Variants in GPM6A observed in about 807,000 individuals in gnomAD.
GPM6A encodes neuronal membrane glycoprotein M6-a.
Under a neutral mutation model 32.1 loss-of-function variants are expected in GPM6A, and 7 were observed. The ratio of observed to expected loss-of-function variants is 0.22; its 90% confidence interval spans 0.12 to 0.41. The LOEUF is 0.41. Among genes scored for constraint, GPM6A ranks in the 10% least tolerant of loss-of-function variants. The probability of loss-of-function intolerance (pLI) is 1.00; values close to 1 mark genes in which losing one functional copy is unlikely to be tolerated. For synonymous variants in GPM6A, 130 were observed against 123.4 expected, an observed-to-expected ratio of 1.05 and a Z score of -0.35; for missense variants, 235 against 347.2, an observed-to-expected ratio of 0.68 and a Z score of 2.57.
chr4:175,943,874 C>G (rs776988622), intron 1 of GPM6A, among the ~76,000 whole-genome samples: 1 of 152,002 alleles, frequency 6.6e-6, no homozygotes, highest in African/African-American at 2.4e-5. Flanking sequence ...GGTTTTGGTA[C>G]GAGGATGATG....
At chr4:175,690,034 C>A (rs897004302) in intron 2 of GPM6A, among the ~76,000 whole-genome samples, 1 of 152,128 alleles carries the variant, frequency 6.6e-6, no homozygotes, top group Non-Finnish European at 1.5e-5. Flanking sequence ...ATGGCTGTTA[C>A]GGGCTTTGTG....
chr4:175,825,526 C>CT (rs1735406466), intron 1 of GPM6A, among the ~76,000 whole-genome samples: 2 of 152,070 alleles, frequency 1.3e-5, no homozygotes, highest in South Asian at 4.1e-4. Context: ...CATTAAGGAG[C>CT]TAATGTCAGG....
chr4:175,915,760 A>T (rs77908991), intron 1 of GPM6A, among the ~76,000 whole-genome samples: 1 of 152,218 alleles, frequency 6.6e-6, no homozygotes, highest in African/African-American at 2.4e-5. Context: ...GGGGAAAAAA[A>T]GGGTATGAGA....
chr4:175,938,226 G>C (rs1382481966), intron 1 of GPM6A, among the ~76,000 whole-genome samples: 3 of 152,114 alleles, frequency 2.0e-5, no homozygotes, highest in Non-Finnish European at 4.4e-5. Flanking sequence ...AACTAAAAGA[G>C]AGGATTTGAA....
upstream of GPM6A, among the ~76,000 whole-genome samples, chr4:175,814,417 C>T (rs1322515555): frequency 1.3e-5 from 2 of 152,178 alleles, no homozygotes; most frequent in East Asian, 1.9e-4. Context: ...AGCTAATTTT[C>T]CTTCCTACTC....
intron 2 of GPM6A, among the ~76,000 whole-genome samples, chr4:175,697,023 T>G (rs145774749): frequency 2.3e-4 from 35 of 152,272 alleles, no homozygotes; most frequent in Admixed American, 8.5e-4. Flanking sequence ...TGAACTCAGT[T>G]TTTGATGTGT....
chr4:175,796,185 G>A (rs1560937634), intron 1 of GPM6A, among the ~76,000 whole-genome samples: 2 of 152,028 alleles, frequency 1.3e-5, no homozygotes, highest in South Asian at 4.1e-4. Flanking sequence ...TTAGAAGAAT[G>A]GCTAGCAACT....
intron 1 of GPM6A, among the ~76,000 whole-genome samples, chr4:175,824,158 T>C (rs991784861): frequency 1.3e-5 from 2 of 152,182 alleles, no homozygotes; most frequent in Non-Finnish European, 1.5e-5. Context: ...CCCTGACATA[T>C]GGTCTCTTTG....
At position 175,707,640 on chromosome 4, in the gene GPM6A, T is replaced by C. The variant is rs573936242; in HGVS notation, c.38-5873A>G. ...TGTGAAAATTTTGGGCTTTATTTCT[T>C]TTTTTTTCAATATATGTGCCTTTTA... On this transcript the variant is annotated intron_variant, in intron 1 of 6. Transcript: ENST00000393658. Among the ~76,000 whole-genome samples the C allele has an allele frequency of 7.2e-5, 11 of 152,162 alleles. No individual in the cohort carries two copies. The East Asian group carries it at 2.1e-3, about 29-fold the overall frequency.
chr4:175,677,860 C>G (rs752971293), intron 2 of GPM6A, among the ~76,000 whole-genome samples: 1 of 152,066 alleles, frequency 6.6e-6, no homozygotes. Flanking sequence ...TCATGAAAAA[C>G]GTGGTCACAG....
intron 2 of GPM6A, among the ~76,000 whole-genome samples, chr4:175,682,914 G>T (rs910260441): frequency 6.6e-6 from 1 of 152,178 alleles, no homozygotes; most frequent in African/African-American, 2.4e-5. Context: ...AGCAGAAAAA[G>T]AGTTTGGAGC....
chr4:175,994,292 C>G (rs1741237423), intron 1 of GPM6A, among the ~76,000 whole-genome samples: 1 of 152,084 alleles, frequency 6.6e-6, no homozygotes, highest in Non-Finnish European at 1.5e-5. Context: ...TGAAATGAAA[C>G]AGAAATGTAA....
chr4:175,953,031 A>T (rs78424141), intron 1 of GPM6A, among the ~76,000 whole-genome samples: 1,347 of 48,874 alleles, frequency 0.028, 11 homozygotes, highest in Middle Eastern at 0.058. Context: ...CCCTGTTTTT[A>T]AAAAAAAAAA....
intron 1 of GPM6A, among the ~76,000 whole-genome samples, chr4:175,847,043 A>G (rs946437868): frequency 2.0e-5 from 3 of 152,192 alleles, no homozygotes; most frequent in Non-Finnish European, 4.4e-5. Flanking sequence ...AAACAATACT[A>G]AAACATATAG....
intron 1 of GPM6A, among the ~76,000 whole-genome samples, chr4:175,727,308 G>T (rs1432291967): frequency 1.3e-5 from 2 of 152,170 alleles, no homozygotes; most frequent in Non-Finnish European, 2.9e-5. Context: ...TACTACGGCG[G>T]TTAGTTCACT....
chr4:175,701,527 G>T, intron 2 of GPM6A, 48 bp downstream of exon 2: 3 of 1,349,562 alleles, frequency 2.2e-6, no homozygotes, highest in Non-Finnish European at 3.2e-6. Flanking sequence ...ACACATAGAA[G>T]TGTAAATATA....
At chr4:175,716,487 A>G (rs1251811405) in intron 1 of GPM6A, among the ~76,000 whole-genome samples, 1 of 109,732 alleles carries the variant, frequency 9.1e-6, no homozygotes, top group Non-Finnish European at 1.9e-5. Flanking sequence ...AGAAGAAGAA[A>G]CTTGTTGTGC....
chr4:175,822,826 C>A (rs1735319436), intron 1 of GPM6A, among the ~76,000 whole-genome samples: 1 of 152,140 alleles, frequency 6.6e-6, no homozygotes, highest in South Asian at 2.1e-4. Flanking sequence ...TCTCCCTCCC[C>A]TTGCCCCCAG....
chr4:175,722,418 C>A (rs1210861024), intron 1 of GPM6A, among the ~76,000 whole-genome samples: 2 of 152,092 alleles, frequency 1.3e-5, no homozygotes, highest in Non-Finnish European at 2.9e-5. Context: ...AGTTTTTATG[C>A]ATCTCTGGAA....
Sources: allele counts gnomAD v4.1 joint callset (sites outside exome capture counted in the v4.1 genomes callset), GRCh38; gene constraint gnomAD v4.1.1; transcripts MANE v1.5; gene names NCBI Gene and HGNC (gene_info 2026-07-23, HGNC 2026-07-21).